Variants in RAD51B observed in about 807,000 individuals in gnomAD.
The protein encoded by RAD51B is DNA repair protein RAD51 homolog 2.
RAD51B carries 38 observed loss-of-function variants against 42.2 expected under a neutral mutation model. The observed-to-expected ratio is 0.90, with a 90% CI of 0.70 to 1.18. The LOEUF (loss-of-function observed/expected upper bound fraction) is 1.18, where lower values mean the gene tolerates loss of function less well. RAD51B is among the 50% of genes most tolerant of loss of function. RAD51B has a pLI of 0.00. For synonymous variants in RAD51B, 154 were observed against 145.2 expected, an observed-to-expected ratio of 1.06 and a Z score of -0.43; for missense variants, 373 against 400.7, an observed-to-expected ratio of 0.93 and a Z score of 0.59.
chr14:68,582,131 T>C (rs535435654), intron 10 of RAD51B, among the ~76,000 whole-genome samples: 1 of 152,102 alleles, frequency 6.6e-6, no homozygotes, highest in Non-Finnish European at 1.5e-5. Flanking sequence ...CCAAAAGCAA[T>C]GGCAACAAAA....
At chr14:67,908,897 G>A (rs2043871422) in intron 7 of RAD51B, 1 of 152,070 alleles carries the variant, frequency 6.6e-6, no homozygotes, top group African/African-American at 2.4e-5. Context: ...AAGGAGAAAA[G>A]ATTAAAAGTA....
rs565517261 is a variant in RAD51B at position 68,414,623 on chromosome 14, G to A, written c.957+3096G>A. The stretch of plus-strand genomic sequence containing the variant: ...GGCAGTGTTTGATTTGTTGTCTAAT[G>A]AGTGGTTAAAACAGTAACTGCTTTG... On this transcript the variant is annotated intron_variant, in intron 9 of 10. Coordinates refer to ENST00000471583, the MANE Select transcript of RAD51B (RefSeq NM_133510.4). Among the ~76,000 whole-genome samples, 3 of 152,134 alleles carry A rather than the reference G, an allele frequency of 2.0e-5. No homozygotes were observed. In the East Asian group the frequency reaches 5.8e-4, roughly 29 times the overall value.
At chr14:68,070,779 T>C (rs780597633) in intron 7 of RAD51B, among the ~76,000 whole-genome samples, 14 of 151,798 alleles carry the variant, frequency 9.2e-5, no homozygotes, top group Non-Finnish European at 1.6e-4. Flanking sequence ...TTGGTTCCAA[T>C]TGAATTTTAG....
At chr14:68,043,858 G>C (rs2076254500) in intron 7 of RAD51B, among the ~76,000 whole-genome samples, 1 of 152,186 alleles carries the variant, frequency 6.6e-6, no homozygotes, top group Admixed American at 6.5e-5. Flanking sequence ...ACCCCTAGAG[G>C]GCTAAAGTTA....
Position 68,336,215 on chromosome 14 carries a change from T to C in RAD51B, c.853+44235T>C, listed in dbSNP as rs139187775. On this transcript the variant is annotated intron_variant, in intron 8 of 10. Coordinates refer to ENST00000471583, the MANE Select transcript of RAD51B (RefSeq NM_133510.4). ...TTGGAGAACAAGCTATTAAGGAAAC[T>C]GAATGTTTAATTATGGTTCTGCCAT... Among the ~76,000 whole-genome samples, 782 of 152,350 alleles carry C rather than the reference T, an allele frequency of 5.1e-3. 8 individuals are homozygous for C. Among genetic ancestry groups the C allele is most frequent in the African/African-American group, 0.017 (718 of 41,596 alleles).
intron 7 of RAD51B, among the ~76,000 whole-genome samples, chr14:68,197,094 A>G (rs926548112): frequency 1.3e-5 from 2 of 152,190 alleles, no homozygotes; most frequent in Non-Finnish European, 2.9e-5. Context: ...CAGAGATATT[A>G]TTCTTTTATT....
chr14:68,363,652 C>G (rs987885905), intron 8 of RAD51B, among the ~76,000 whole-genome samples: 2 of 152,112 alleles, frequency 1.3e-5, no homozygotes, highest in Non-Finnish European at 2.9e-5. Context: ...CTCTGTGGCT[C>G]AAGGAGGAGG....
At chr14:67,975,324 A>T (rs373467144) in intron 7 of RAD51B, among the ~76,000 whole-genome samples, 6 of 152,188 alleles carry the variant, frequency 3.9e-5, no homozygotes, top group African/African-American at 1.4e-4. Context: ...TTCAAAAGAA[A>T]TTTATGCTGC....
chr14:68,111,746 C>T (rs1165156704), intron 7 of RAD51B, among the ~76,000 whole-genome samples: 1 of 152,056 alleles, frequency 6.6e-6, no homozygotes, highest in Non-Finnish European at 1.5e-5. Flanking sequence ...AGAAGTGCCA[C>T]CTGGGTCTCC....
chr14:68,623,599 A>G (rs753486450), intron 10 of RAD51B, among the ~76,000 whole-genome samples: 2 of 152,230 alleles, frequency 1.3e-5, no homozygotes, highest in African/African-American at 4.8e-5. Context: ...TAACTTGTAC[A>G]TAGGTGCCAT....
intron 7 of RAD51B, among the ~76,000 whole-genome samples, chr14:68,191,041 T>A (rs78398804): frequency 5.9e-4 from 75 of 127,336 alleles, no homozygotes; most frequent in Middle Eastern, 3.9e-3. Context: ...AGCTTTTTTT[T>A]AAAAAAAGAG....
At chr14:68,442,337 G>A (rs73278318) in intron 9 of RAD51B, among the ~76,000 whole-genome samples, 2,309 of 149,152 alleles carry the variant, frequency 0.015, 59 homozygotes, top group African/African-American at 0.054. Context: ...TGTTCTAACA[G>A]TTCATGAAAA....
intron 5 of RAD51B, among the ~76,000 whole-genome samples, chr14:67,881,906 C>T (rs939806691): frequency 6.6e-6 from 1 of 152,158 alleles, no homozygotes; most frequent in Non-Finnish European, 1.5e-5. Flanking sequence ...AAAATTTTAT[C>T]CAACCCAATA....
intron 9 of RAD51B, among the ~76,000 whole-genome samples, chr14:68,450,416 G>A (rs1039062416): frequency 3.9e-5 from 6 of 151,974 alleles, no homozygotes; most frequent in East Asian, 1.9e-4. Context: ...ACGGGGTTTC[G>A]CCCTGTTGAC....
intron 9 of RAD51B, among the ~76,000 whole-genome samples, chr14:68,453,748 T>C (rs2085614855): frequency 6.6e-6 from 1 of 152,196 alleles, no homozygotes; most frequent in Non-Finnish European, 1.5e-5. Flanking sequence ...TGAGAAGGTA[T>C]CTCCAGTTAT....
intron 8 of RAD51B, among the ~76,000 whole-genome samples, chr14:68,334,958 TA>T (rs34237806): frequency 0.66 from 95,954 of 144,656 alleles, 32,406 homozygotes; most frequent in Non-Finnish European, 0.73. Flanking sequence ...ATATATGTTT[TA>T]TATATATATA....
chr14:67,996,317 G>T (rs1386809267), intron 7 of RAD51B, among the ~76,000 whole-genome samples: 1 of 151,638 alleles, frequency 6.6e-6, no homozygotes, highest in Non-Finnish European at 1.5e-5. Flanking sequence ...GATTATTTGA[G>T]ACCAGGAGGT....
intron 7 of RAD51B, among the ~76,000 whole-genome samples, chr14:68,152,492 C>A (rs1039150159): frequency 6.6e-6 from 1 of 152,134 alleles, no homozygotes; most frequent in African/African-American, 2.4e-5. Flanking sequence ...TGTTGTGGAT[C>A]CCCATTGTGT....
At chr14:68,000,436 A>G (rs2075460393) in intron 7 of RAD51B, 1 of 152,224 alleles carries the variant, frequency 6.6e-6, no homozygotes, top group African/African-American at 2.4e-5. Context: ...CATTTAGTAC[A>G]AATACTGTCA....
Sources: allele counts gnomAD v4.1 joint callset (sites outside exome capture counted in the v4.1 genomes callset), GRCh38; gene constraint gnomAD v4.1.1; transcripts MANE v1.5; gene names NCBI Gene and HGNC (gene_info 2026-07-23, HGNC 2026-07-21).